POGZ: variants seen among roughly 807,000 people sequenced by gnomAD.
The protein encoded by POGZ is pogo transposable element derived with ZNF domain, also known as pogo transposable element with ZNF domain.
POGZ carries 17 observed loss-of-function variants against 134.6 expected under a neutral mutation model. That is an observed-to-expected ratio of 0.13 (90% CI 0.09 to 0.19). The LOEUF is 0.19. Ranked by LOEUF, POGZ falls within the 10% of genes least tolerant of loss-of-function variation. POGZ has a pLI of 1.00. For missense variants in POGZ, 1,306 were observed against 1,769.7 expected (o/e 0.74, Z 4.70); for synonymous variants, 693 against 657.1 (o/e 1.05, Z -0.84).
intron 1 of POGZ, among the ~76,000 whole-genome samples, chr1:151,447,642 A>AATTT (rs1263133268): frequency 0.011 from 560 of 53,000 alleles, 10 homozygotes; most frequent in African/African-American, 0.035. Flanking sequence ...TGTCTGGCTA[A>AATTT]TTTTTTTTTT....
Position 151,412,347 on chromosome 1 carries a change from G to A in POGZ, c.1728C>T (p.Leu576=). 8 of 1,611,080 alleles carry A rather than the reference G, an allele frequency of 5.0e-6. No homozygotes were observed. The highest frequency in any genetic ancestry group is 6.8e-6 in the Non-Finnish European group (8 of 1,177,574). The change falls in exon 11 of 19, where the codon CTC becomes CTT. Residue 576 remains leucine, a synonymous_variant. Coordinates refer to ENST00000271715, the MANE Select transcript of POGZ (RefSeq NM_015100.4). ...GCTTATGAGTATCCTTCATATGCTGGAGAAATAGTGGCTCACTTTCAAACG... is the reference window on the plus strand; with the variant it reads ...GCTTATGAGTATCCTTCATATGCTGAAGAAATAGTGGCTCACTTTCAAACG... ...EWAFESEPLF[L]QHMKDTHKPG... is the part of the protein sequence containing the mutation.
chr1:151,433,911 G>T (rs1409466875), intron 3 of POGZ, among the ~76,000 whole-genome samples: 2 of 152,150 alleles, frequency 1.3e-5, no homozygotes, highest in Non-Finnish European at 2.9e-5. Context: ...TAGGGCAGTG[G>T]TATGCACCCG....
At chr1:151,443,676 T>C (rs1660878081) in intron 1 of POGZ, among the ~76,000 whole-genome samples, 1 of 152,084 alleles carries the variant, frequency 6.6e-6, no homozygotes, top group Non-Finnish European at 1.5e-5. Flanking sequence ...TTCACGCCAC[T>C]GCACTCCAGC....
rs1360601137 is a variant in POGZ at position 151,423,861 on chromosome 1, C to T, written c.1523+88G>A. The T allele has an allele frequency of 6.9e-6, 7 of 1,010,872 alleles. No individual in the cohort carries two copies. In the Admixed American group the frequency reaches 1.3e-4, roughly 18 times the overall value. 62.6% of individuals were successfully genotyped at this position (1,010,872 alleles called of 1,614,324 possible). A position where few individuals can be genotyped will look rare whatever the true frequency, so the allele number is the denominator to read the frequency against. On this transcript the variant is annotated intron_variant, in intron 9 of 18. Transcript: ENST00000271715. ...AGCAAGACTGCATAGTAGTTAGGTC[C>T]ATTCTCCAAAGAGAAAGACTTAAAA...
chr1:151,453,672 G>T (rs1405204453), intron 1 of POGZ, among the ~76,000 whole-genome samples: 1 of 152,040 alleles, frequency 6.6e-6, no homozygotes, highest in African/African-American at 2.4e-5. Flanking sequence ...TAACACTGCA[G>T]GCTCACACAG....
intron 15 of POGZ, among the ~76,000 whole-genome samples, chr1:151,407,560 T>C (rs1054466625): frequency 6.6e-6 from 1 of 152,176 alleles, no homozygotes; most frequent in Admixed American, 6.5e-5. Context: ...ATACTACTGG[T>C]ACTTGAATAG....
At chr1:151,416,625 GTT>G (rs202238876) in intron 10 of POGZ, among the ~76,000 whole-genome samples, 7 of 139,790 alleles carry the variant, frequency 5.0e-5, no homozygotes, top group African/African-American at 7.9e-5. Context: ...TACTTTTTGG[GTT>G]TTTTTTTTTT....
In POGZ at chr1:151,418,274, T is replaced by C. The variant is rs578090765; in HGVS notation, c.1678+5123A>G. 2.6e-5 allele frequency among the ~76,000 whole-genome samples: 4 copies of C among 151,576 alleles called. No individual in the cohort carries two copies. In the East Asian group the frequency reaches 7.8e-4, roughly 29 times the overall value. ...GGAATATTATAGCCACAAAAAAGAATGAAATTCTGTCATGCAGCACATGGT... is the reference window on the plus strand; with the variant it reads ...GGAATATTATAGCCACAAAAAAGAACGAAATTCTGTCATGCAGCACATGGT... On this transcript the variant is annotated intron_variant, in intron 10 of 18. Transcript: ENST00000271715.
chr1:151,420,833 T>C (rs1296342476), intron 10 of POGZ, among the ~76,000 whole-genome samples: 1 of 152,134 alleles, frequency 6.6e-6, no homozygotes, highest in African/African-American at 2.4e-5. Flanking sequence ...ATATTTTTAA[T>C]ATACTGAATA....
chr1:151,456,415 A>G (rs1662778001), intron 1 of POGZ, among the ~76,000 whole-genome samples: 2 of 152,196 alleles, frequency 1.3e-5, no homozygotes, highest in African/African-American at 2.4e-5. Flanking sequence ...AAAAGTGACA[A>G]GCTCACTTCA....
In POGZ at chr1:151,403,278, G is replaced by T; in HGVS notation, c.*1524C>A. 1 of 985,520 alleles carries T rather than the reference G, an allele frequency of 1.0e-6. No individual in the cohort carries two copies. Among genetic ancestry groups the T allele is most frequent in the Non-Finnish European group, 1.2e-6 (1 of 829,744 alleles). The allele number at this position is 985,520 out of a possible 1,614,324, so 61.0% of individuals were successfully genotyped here. A position where few individuals can be genotyped will look rare whatever the true frequency, so the allele number is the denominator to read the frequency against. On this transcript the variant is annotated 3_prime_UTR_variant, in exon 19 of 19. Coordinates refer to ENST00000271715, the MANE Select transcript of POGZ (RefSeq NM_015100.4). Reference sequence around the variant, plus strand: ...ACAAATGTCACACCTGTACCACCAGGCCCATCACATCTTGAGCATTCCCCA... The same window carrying T: ...ACAAATGTCACACCTGTACCACCAGTCCCATCACATCTTGAGCATTCCCCA...
In POGZ at chr1:151,403,676, A is replaced by T. The variant is rs1227574198; in HGVS notation, c.*1126T>A. The T allele has an allele frequency of 2.0e-6, 2 of 985,702 alleles. No individual in the cohort carries two copies. Among genetic ancestry groups the T allele is most frequent in the African/African-American group, 3.5e-5 (2 of 57,236 alleles). 61.1% of individuals were successfully genotyped at this position (985,702 alleles called of 1,614,324 possible). ...ACCCCTGTGCGCTTCTTCCTGTCAG[A>T]TTCTTCCCTAAGTATTAAGAGAAAT... On this transcript the variant is annotated 3_prime_UTR_variant, in exon 19 of 19. Transcript: ENST00000271715.
chr1:151,431,280 G>A (rs922799505), intron 3 of POGZ, among the ~76,000 whole-genome samples: 1 of 152,052 alleles, frequency 6.6e-6, no homozygotes, highest in Non-Finnish European at 1.5e-5. Flanking sequence ...AATTCTATGT[G>A]GCTAGCACCC....
intron 3 of POGZ, among the ~76,000 whole-genome samples, chr1:151,440,496 A>C (rs1018395323): frequency 2.0e-5 from 3 of 152,202 alleles, no homozygotes; most frequent in Non-Finnish European, 4.4e-5. Context: ...TGTAGACAAC[A>C]ACCCTATCCT....
intron 10 of POGZ, among the ~76,000 whole-genome samples, chr1:151,417,688 C>CACACACACA (rs1656001221): frequency 7.3e-6 from 1 of 137,464 alleles, no homozygotes; most frequent in African/African-American, 2.7e-5. Context: ...GGTACTGTGG[C>CACACACACA]CACACACACA....
chr1:151,411,041 T>C (rs2102184318), intron 12 of POGZ, among the ~76,000 whole-genome samples: 1 of 152,330 alleles, frequency 6.6e-6, no homozygotes, highest in Admixed American at 6.5e-5. Context: ...TCAATCTCCT[T>C]TAATCCATTC....
intron 8 of POGZ, 34 bp downstream of exon 8, chr1:151,424,920 GC>G (rs745683915): frequency 1.8e-6 from 2 of 1,102,578 alleles, no homozygotes; most frequent in African/African-American, 3.1e-5. Context: ...AATGGCAGAA[GC>G]CACTTAAGCT....
rs568985603 is a variant in POGZ at position 151,410,474 on chromosome 1, C to T, written c.1926+1151G>A. Among the ~76,000 whole-genome samples, 9 of 152,250 alleles carry T rather than the reference C, an allele frequency of 5.9e-5. No homozygotes were observed. In the South Asian group the frequency reaches 6.2e-4, roughly 11 times the overall value. On this transcript the variant is annotated intron_variant, in intron 12 of 18. Coordinates refer to ENST00000271715, the MANE Select transcript of POGZ (RefSeq NM_015100.4). ...TGATCACACCCTTTTCTTTAAAACACTTTCTTCTCCCCAGTTTCCTTAAGG... is the reference window on the plus strand; with the variant it reads ...TGATCACACCCTTTTCTTTAAAACATTTTCTTCTCCCCAGTTTCCTTAAGG...
At chr1:151,414,531 C>T (rs1045425046) in intron 10 of POGZ, among the ~76,000 whole-genome samples, 1 of 152,182 alleles carries the variant, frequency 6.6e-6, no homozygotes, top group Non-Finnish European at 1.5e-5. Context: ...GCCTGTAATC[C>T]CAACACTTTG....
Sources: allele counts gnomAD v4.1 joint callset (sites outside exome capture counted in the v4.1 genomes callset), GRCh38; gene constraint gnomAD v4.1.1; transcripts MANE v1.5; gene names NCBI Gene and HGNC (gene_info 2026-07-23, HGNC 2026-07-21).